Variants in MAP7D2 observed in about 807,000 individuals in gnomAD.
MAP7D2 encodes MAP7 domain containing 2, also known as MAP7 domain-containing protein 2.
In MAP7D2, 33 loss-of-function variants were observed where a neutral mutation model predicts 63.5. The ratio of observed to expected loss-of-function variants is 0.52; its 90% CI spans 0.39 to 0.70. MAP7D2 has a LOEUF of 0.70. Among genes scored for constraint, MAP7D2 ranks in the 30% least tolerant of loss-of-function variants. The probability of loss-of-function intolerance (pLI) is 0.00; values close to 1 mark genes in which losing one functional copy is unlikely to be tolerated. For synonymous variants in MAP7D2, 224 were observed against 223.7 expected, an observed-to-expected ratio of 1.00 and a Z score of -0.01; for missense variants, 626 against 604.0, an observed-to-expected ratio of 1.04 and a Z score of -0.38.
chrX:20,100,903 T>C (rs1276559272), intron 1 of MAP7D2, among the ~76,000 whole-genome samples: 1 of 109,453 alleles, frequency 9.1e-6, no homozygotes, highest in Non-Finnish European at 1.9e-5. Flanking sequence ...TGCCTGTAAT[T>C]CCAACCACTC....
chrX:20,014,516 C>T (rs921688532), intron 12 of MAP7D2, among the ~76,000 whole-genome samples: 10 of 109,806 alleles, frequency 9.1e-5, no homozygotes, highest in Admixed American at 8.7e-4. Context: ...TGTGGTGAGC[C>T]GAGATCACAC....
chrX:20,030,207 C>T (rs897951466), intron 8 of MAP7D2, among the ~76,000 whole-genome samples: 3 of 111,995 alleles, frequency 2.7e-5, no homozygotes, highest in Admixed American at 9.5e-5. Context: ...CAGTGAGGTA[C>T]GTAGGAAATT....
At chrX:20,116,067 C>T (rs1169567611) in intron 1 of MAP7D2, among the ~76,000 whole-genome samples, 1 of 112,990 alleles carries the variant, frequency 8.9e-6, no homozygotes, top group East Asian at 2.8e-4. Flanking sequence ...AGGGACCAGC[C>T]CTCCATGGCT....
intron 1 of MAP7D2, among the ~76,000 whole-genome samples, chrX:20,090,915 G>T (rs2066051636): frequency 9.1e-6 from 1 of 110,237 alleles, no homozygotes; most frequent in Non-Finnish European, 1.9e-5. Flanking sequence ...ATTACAATGA[G>T]CCCAGGTAGA....
At chrX:20,036,127 C>T (rs974141690) in intron 8 of MAP7D2, among the ~76,000 whole-genome samples, 15 of 110,738 alleles carry the variant, frequency 1.4e-4, no homozygotes, top group Non-Finnish European at 2.6e-4. Flanking sequence ...GATATTGGGG[C>T]CTACTTGAGG....
intron 1 of MAP7D2, among the ~76,000 whole-genome samples, chrX:20,096,081 CAAAA>C (rs1208579984): frequency 1.3e-4 from 2 of 14,902 alleles, no homozygotes; most frequent in Admixed American, 9.6e-4. Context: ...GACTCTTCCT[CAAAA>C]AAAAAAAAAA....
At chrX:20,039,096 G>T (rs1569518467) in intron 8 of MAP7D2, among the ~76,000 whole-genome samples, 1 of 112,480 alleles carries the variant, frequency 8.9e-6, no homozygotes, top group Non-Finnish European at 1.9e-5. Context: ...TAGAAGAAGG[G>T]AGTCATCAGT....
intron 1 of MAP7D2, among the ~76,000 whole-genome samples, chrX:20,094,954 C>G (rs979370613): frequency 9.2e-6 from 1 of 109,211 alleles, no homozygotes; most frequent in African/African-American, 3.3e-5. Context: ...TCCTAAGAGG[C>G]TATAAAAATC....
At chrX:20,112,518 A>C (rs187155204) in intron 1 of MAP7D2, among the ~76,000 whole-genome samples, 2 of 111,626 alleles carry the variant, frequency 1.8e-5, no homozygotes, top group African/African-American at 6.5e-5. Flanking sequence ...CCCAAGGCCT[A>C]GTCAGACCCA....
At chrX:20,027,094 T>A (rs2073873802) in intron 8 of MAP7D2, among the ~76,000 whole-genome samples, 1 of 112,298 alleles carries the variant, frequency 8.9e-6, no homozygotes, top group Non-Finnish European at 1.9e-5. Flanking sequence ...TTAAACTTGG[T>A]CTTGAAGGAG....
Position 20,114,814 on chromosome X carries a change from A to G in MAP7D2, c.130+1936T>C, listed in dbSNP as rs760778406. Among the ~76,000 whole-genome samples, 4 of 112,625 alleles carry G rather than the reference A, an allele frequency of 3.6e-5. No individual in the cohort carries two copies. In the South Asian group the frequency reaches 1.5e-3, roughly 41 times the overall value. ...GCTTAGGAACAATGGTTGACTCTCT[A>G]GAAAAGCAGGTTAAGTCTCATTAGG... is the stretch of plus-strand genomic sequence containing the variant. On this transcript the variant is annotated intron_variant, in intron 1 of 16. Coordinates refer to ENST00000379643, the MANE Select transcript of MAP7D2 (RefSeq NM_001168465.2).
intron 1 of MAP7D2, among the ~76,000 whole-genome samples, chrX:20,066,390 G>A (rs1006655246): frequency 1.8e-5 from 2 of 111,757 alleles, no homozygotes. Flanking sequence ...TAGGCAGTGG[G>A]AATGAGGAAG....
intron 1 of MAP7D2, among the ~76,000 whole-genome samples, chrX:20,108,449 G>A (rs912237720): frequency 2.3e-4 from 25 of 109,192 alleles, no homozygotes; most frequent in African/African-American, 7.0e-4. Context: ...TGCCCAGGCT[G>A]GTCTTGAACT....
chrX:20,013,003 C>T lies in MAP7D2; in HGVS notation c.1885+51G>A, dbSNP rs777346980. 22 of 1,052,417 alleles carry T rather than the reference C, an allele frequency of 2.1e-5. No individual in the cohort carries two copies. In the East Asian group the frequency reaches 4.3e-4, roughly 20 times the overall value. The allele number at this position is 1,052,417 out of a possible 1,213,427, so 86.7% of individuals were successfully genotyped here. ...TCTGTTTACCCTACACCAAGTCTTA[C>T]GAGCTTTTGCTACTAAAAGGAAGAA... is the stretch of plus-strand genomic sequence containing the variant. On this transcript the variant is annotated intron_variant, in intron 14 of 16. Coordinates refer to ENST00000379643, the MANE Select transcript of MAP7D2 (RefSeq NM_001168465.2).
chrX:20,038,622 C>T (rs777752104), intron 8 of MAP7D2, among the ~76,000 whole-genome samples: 2 of 111,527 alleles, frequency 1.8e-5, no homozygotes, highest in South Asian at 3.8e-4. Context: ...CTCACCATCA[C>T]CCCTAGTGAC....
chrX:20,009,663 CAAAAAAAAAAAAAA>C (rs35018861), intron 16 of MAP7D2, among the ~76,000 whole-genome samples: 503 of 17,754 alleles, frequency 0.028, 5 homozygotes, highest in Non-Finnish European at 0.036. Flanking sequence ...GATTCCATCT[CAAAAAAAAAAAAAA>C]AAAAAAAAAA....
chrX:20,111,651 A>G (rs1283323833), intron 1 of MAP7D2, among the ~76,000 whole-genome samples: 2 of 111,853 alleles, frequency 1.8e-5, no homozygotes, highest in Admixed American at 9.5e-5. Context: ...GGTGGTGAAC[A>G]TGTTCTAAAA....
chrX:20,053,573 T>C (rs771029599), intron 4 of MAP7D2, among the ~76,000 whole-genome samples: 28 of 111,549 alleles, frequency 2.5e-4, no homozygotes, highest in African/African-American at 9.1e-4. Context: ...ATGCTTTAAC[T>C]GTTTGAGGTT....
At chrX:20,089,620 A>G (rs1440110427) in intron 1 of MAP7D2, among the ~76,000 whole-genome samples, 1 of 112,311 alleles carries the variant, frequency 8.9e-6, no homozygotes, top group Non-Finnish European at 1.9e-5. Context: ...GAAATGCATT[A>G]TAAGAAGATC....
Sources: gnomAD v4.1 joint callset for allele counts (sites outside exome capture counted in the v4.1 genomes callset) on GRCh38, gnomAD v4.1.1 for gene constraint, MANE v1.5 for transcripts, NCBI Gene and HGNC (gene_info 2026-07-23, HGNC 2026-07-21) for gene names.